The following PTPRD variants were observed in gnomAD, a reference collection of about 807,000 sequenced individuals.
The protein encoded by PTPRD is receptor-type tyrosine-protein phosphatase delta.
A neutral mutation model predicts 214.5 loss-of-function variants in PTPRD; 34 were observed. The observed-to-expected ratio is 0.16, with a 90% CI of 0.12 to 0.21. The LOEUF (loss-of-function observed/expected upper bound fraction) is 0.21. Among genes scored for constraint, PTPRD ranks in the 10% least tolerant of loss-of-function variants. PTPRD has a pLI of 1.00. For missense variants in PTPRD, 2,545 were observed against 2,398.7 expected (o/e 1.06, Z -1.27); for synonymous variants, 1,128 against 845.7 (o/e 1.33, Z -5.79).
chr9:8,562,843 T>C (rs931622460), intron 14 of PTPRD, among the ~76,000 whole-genome samples: 5 of 151,012 alleles, frequency 3.3e-5, no homozygotes, highest in African/African-American at 1.2e-4. Flanking sequence ...TCTGCAAAGA[T>C]TTTCTTTTTT....
At chr9:8,626,488 C>G (rs2096042156) in intron 14 of PTPRD, among the ~76,000 whole-genome samples, 1 of 151,856 alleles carries the variant, frequency 6.6e-6, no homozygotes. Context: ...GTACGTGTCA[C>G]TTGATTAGGC....
At chr9:9,472,950 T>A (rs868760046) in intron 8 of PTPRD, among the ~76,000 whole-genome samples, 1 of 152,168 alleles carries the variant, frequency 6.6e-6, no homozygotes, top group Non-Finnish European at 1.5e-5. Flanking sequence ...CCACACCTCA[T>A]ATATTTATTA....
chr9:8,615,631 G>A (rs139553200), intron 14 of PTPRD, among the ~76,000 whole-genome samples: 51 of 152,012 alleles, frequency 3.4e-4, no homozygotes, highest in African/African-American at 1.2e-3. Context: ...AGTGAATTTC[G>A]TACACATAAA....
chr9:10,578,031 C>T (rs1251002585), intron 2 of PTPRD, among the ~76,000 whole-genome samples: 1 of 151,762 alleles, frequency 6.6e-6, no homozygotes, highest in East Asian at 1.9e-4. Context: ...CTTGCCTCAG[C>T]TTCCTAAGTA....
intron 2 of PTPRD, among the ~76,000 whole-genome samples, chr9:10,495,950 G>C (rs1379830252): frequency 6.6e-6 from 1 of 151,608 alleles, no homozygotes; most frequent in Non-Finnish European, 1.5e-5. Context: ...TATCAAAGTT[G>C]TATTTAGTAT....
intron 2 of PTPRD, among the ~76,000 whole-genome samples, chr9:10,611,592 T>C (rs545022109): frequency 6.6e-6 from 1 of 152,306 alleles, no homozygotes; most frequent in South Asian, 2.1e-4. Flanking sequence ...CATGGTGATG[T>C]TAGCCCCAAG....
rs373021304 is a variant in PTPRD, at chr9:8,500,935, G to A, written c.1947C>T (p.Tyr649=). The part of the protein sequence containing the change: ...NGIITEYSIK[Y]TAVDGEDDKP... ...TGTCATCTTCCCCATCCACTGCAGT[G>A]TACTTGATGGAGTATTCAGTGATAA... is the stretch of plus-strand genomic sequence containing the variant. Residue 649 remains tyrosine (Y), a synonymous_variant, in exon 24 of 46, where the codon TAC becomes TAT. Transcript: ENST00000381196. 9.9e-6 allele frequency: 16 copies of A among 1,614,122 alleles called. No homozygotes were observed. Among genetic ancestry groups the A allele is most frequent in the Non-Finnish European group, 1.4e-5 (16 of 1,180,020 alleles).
At chr9:10,176,193 A>C (rs1014948640) in intron 3 of PTPRD, among the ~76,000 whole-genome samples, 6 of 151,976 alleles carry the variant, frequency 3.9e-5, no homozygotes, top group Non-Finnish European at 8.8e-5. Context: ...ATTACATGTA[A>C]ATCCAGTATT....
chr9:9,362,749 G>A (rs889981480), intron 9 of PTPRD, among the ~76,000 whole-genome samples: 2 of 151,110 alleles, frequency 1.3e-5, no homozygotes, highest in Non-Finnish European at 3.0e-5. Context: ...CTATTAACTA[G>A]GATTTCCTTG....
intron 10 of PTPRD, among the ~76,000 whole-genome samples, chr9:9,087,574 C>A (rs1221936245): frequency 6.6e-6 from 1 of 152,070 alleles, no homozygotes; most frequent in East Asian, 1.9e-4. Flanking sequence ...AAGGAAAATA[C>A]AGAGAATTCT....
At chr9:9,077,905 A>C (rs530566780) in intron 10 of PTPRD, among the ~76,000 whole-genome samples, 1 of 152,212 alleles carries the variant, frequency 6.6e-6, no homozygotes, top group South Asian at 2.1e-4. Flanking sequence ...TCTAAAATAA[A>C]TATCTATTTA....
intron 2 of PTPRD, among the ~76,000 whole-genome samples, chr9:10,346,645 G>A (rs2097089281): frequency 6.6e-6 from 1 of 152,152 alleles, no homozygotes; most frequent in East Asian, 1.9e-4. Context: ...TAAGGTCAGT[G>A]ACCTCAGATT....
chr9:8,876,377 G>C (rs1398930459), intron 11 of PTPRD, among the ~76,000 whole-genome samples: 1 of 152,116 alleles, frequency 6.6e-6, no homozygotes, highest in Non-Finnish European at 1.5e-5. Flanking sequence ...CTAAATGCCA[G>C]TTTACCTTTC....
intron 12 of PTPRD, chr9:8,713,286 T>A (rs1251791663): frequency 1.4e-6 from 1 of 689,696 alleles, no homozygotes; most frequent in Admixed American, 2.3e-5. Context: ...CTTTTGCGGG[T>A]GGCGGCGAGC....
chr9:10,586,279 GA>G (rs907976445), intron 2 of PTPRD, among the ~76,000 whole-genome samples: 7 of 151,940 alleles, frequency 4.6e-5, no homozygotes, highest in African/African-American at 7.2e-5. Context: ...GGACAAGAGA[GA>G]AAAAATGTGA....
chr9:9,325,772 G>C (rs1969747580), intron 9 of PTPRD, among the ~76,000 whole-genome samples: 1 of 152,158 alleles, frequency 6.6e-6, no homozygotes. Context: ...TCTTGTGCCA[G>C]TTTTCAAAGG....
rs541141716 is a variant in PTPRD, at chr9:10,090,620, T to C, written c.-544-56830A>G. Among the ~76,000 whole-genome samples the C allele has an allele frequency of 3.5e-5, 4 of 113,802 alleles. No homozygotes were observed. The South Asian group carries it at 1.0e-3, about 30-fold the overall frequency. 74.7% of individuals were successfully genotyped at this position (113,802 alleles called of 152,430 possible). A position where few individuals can be genotyped will look rare whatever the true frequency, so the allele number is the denominator to read the frequency against. On this transcript the variant is annotated intron_variant, in intron 3 of 45. Coordinates refer to ENST00000381196, the MANE Select transcript of PTPRD (RefSeq NM_002839.4). ...TCACTTGCAGCCCAAAAGATTAAAG[T>C]ATACATAAATAAAAAAACCACCAAC...
chr9:10,126,676 T>C (rs1381479271), intron 3 of PTPRD, among the ~76,000 whole-genome samples: 1 of 152,166 alleles, frequency 6.6e-6, no homozygotes, highest in Non-Finnish European at 1.5e-5. Context: ...TTTTATAACA[T>C]GTTCAGGAAA....
At chr9:9,974,180 G>T (rs1005233362) in intron 4 of PTPRD, among the ~76,000 whole-genome samples, 1 of 152,146 alleles carries the variant, frequency 6.6e-6, no homozygotes, top group Non-Finnish European at 1.5e-5. Context: ...TTGTTTTGTT[G>T]TATGTGATCT....
Sources: gnomAD v4.1 joint callset for allele counts (sites outside exome capture counted in the v4.1 genomes callset) on GRCh38, gnomAD v4.1.1 for gene constraint, MANE v1.5 for transcripts, NCBI Gene and HGNC (gene_info 2026-07-23, HGNC 2026-07-21) for gene names.